NDUFS4: variants seen among roughly 807,000 people sequenced by gnomAD.
The protein encoded by NDUFS4 is NADH:ubiquinone oxidoreductase subunit S4, also known as NADH dehydrogenase [ubiquinone] iron-sulfur protein 4, mitochondrial.
A neutral mutation model predicts 24.3 loss-of-function variants in NDUFS4; 28 were observed. The observed-to-expected ratio is 1.15, with a 90% confidence interval of 0.85 to 1.58. The LOEUF (loss-of-function observed/expected upper bound fraction) is 1.58. Ranked by LOEUF, NDUFS4 falls within the 40% of genes most tolerant of loss-of-function variation. The pLI is 0.00. For synonymous variants in NDUFS4, 93 were observed against 69.7 expected (o/e 1.34, Z -1.67); for missense variants, 223 against 207.9 (o/e 1.07, Z -0.45).
chr5:53,665,620 C>T (rs113414559), intron 4 of NDUFS4, among the ~76,000 whole-genome samples: 108 of 152,334 alleles, frequency 7.1e-4, no homozygotes, highest in African/African-American at 1.4e-3. Context: ...TAGGACCCTC[C>T]GAGCCAGGTG....
chr5:53,623,520 C>T (rs1407453510), intron 2 of NDUFS4, among the ~76,000 whole-genome samples: 1 of 152,134 alleles, frequency 6.6e-6, no homozygotes, highest in Non-Finnish European at 1.5e-5. Context: ...AATCCTCTAT[C>T]AGCTAGATGT....
chr5:53,567,133 G>C (rs554229838), intron 1 of NDUFS4, among the ~76,000 whole-genome samples: 2 of 152,200 alleles, frequency 1.3e-5, no homozygotes, highest in Non-Finnish European at 2.9e-5. Context: ...ACAGGCGTGA[G>C]CCACTGAGCC....
chr5:53,656,852 T>C (rs1752175412), intron 3 of NDUFS4, among the ~76,000 whole-genome samples: 1 of 151,926 alleles, frequency 6.6e-6, no homozygotes, highest in South Asian at 2.1e-4. Flanking sequence ...GTTATGGGAA[T>C]AATGAAAAAG....
chr5:53,654,343 T>C (rs553610110), intron 3 of NDUFS4, among the ~76,000 whole-genome samples: 269 of 152,270 alleles, frequency 1.8e-3, no homozygotes, highest in Middle Eastern at 6.8e-3. Flanking sequence ...TTTGTTAATA[T>C]GTATTTAACA....
chr5:53,660,005 CTT>C (rs141107369), intron 4 of NDUFS4, among the ~76,000 whole-genome samples: 5 of 150,936 alleles, frequency 3.3e-5, no homozygotes, highest in East Asian at 1.9e-4. Context: ...TATTAATAGA[CTT>C]TTTTTTTATT....
chr5:53,674,829 G>A (rs933371089), intron 4 of NDUFS4, among the ~76,000 whole-genome samples: 9 of 151,976 alleles, frequency 5.9e-5, no homozygotes, highest in African/African-American at 2.2e-4. Context: ...CAGTAAACAT[G>A]TATAATTAAA....
intron 2 of NDUFS4, among the ~76,000 whole-genome samples, chr5:53,615,923 T>G (rs947376526): frequency 2.0e-5 from 3 of 152,142 alleles, no homozygotes; most frequent in African/African-American, 7.2e-5. Flanking sequence ...GAGTATATAT[T>G]GTGTAAATTA....
chr5:53,580,138 T>TCCA (rs536588547), intron 1 of NDUFS4, among the ~76,000 whole-genome samples: 194 of 152,348 alleles, frequency 1.3e-3, no homozygotes, highest in Non-Finnish European at 2.4e-3. Flanking sequence ...TGTCTCATTA[T>TCCA]CCACCATGAC....
intron 4 of NDUFS4, among the ~76,000 whole-genome samples, chr5:53,659,927 A>G (rs985858980): frequency 6.6e-6 from 1 of 152,142 alleles, no homozygotes; most frequent in African/African-American, 2.4e-5. Context: ...AAATGAGTTA[A>G]TAAAAGTGTT....
chr5:53,676,845 A>T (rs760915749), intron 4 of NDUFS4, among the ~76,000 whole-genome samples: 1 of 151,292 alleles, frequency 6.6e-6, no homozygotes, highest in African/African-American at 2.4e-5. Context: ...TTCATGAAAG[A>T]TTTTTTTTTT....
At chr5:53,609,519 C>T (rs1750633660) in intron 2 of NDUFS4, among the ~76,000 whole-genome samples, 1 of 152,142 alleles carries the variant, frequency 6.6e-6, no homozygotes, top group Non-Finnish European at 1.5e-5. Context: ...AGAGATTTAG[C>T]ATAATTCTTA....
chr5:53,624,212 C>G (rs946130633), intron 2 of NDUFS4, among the ~76,000 whole-genome samples: 3 of 152,128 alleles, frequency 2.0e-5, no homozygotes, highest in African/African-American at 7.2e-5. Flanking sequence ...TTCATTGGCC[C>G]ATATATCTAT....
At chr5:53,565,703 C>T (rs1346896019) in intron 1 of NDUFS4, among the ~76,000 whole-genome samples, 1 of 152,150 alleles carries the variant, frequency 6.6e-6, no homozygotes, top group Non-Finnish European at 1.5e-5. Flanking sequence ...ACTCTGTTAA[C>T]TTTTGGATTG....
At chr5:53,659,401 T>C (rs1038701984) in intron 4 of NDUFS4, among the ~76,000 whole-genome samples, 11 of 152,212 alleles carry the variant, frequency 7.2e-5, no homozygotes, top group African/African-American at 2.7e-4. Context: ...CATAATGGAC[T>C]TAATGTTTCT....
chr5:53,671,917 C>G (rs1189465651), intron 4 of NDUFS4, among the ~76,000 whole-genome samples: 1 of 152,008 alleles, frequency 6.6e-6, no homozygotes, highest in Admixed American at 6.6e-5. Flanking sequence ...GCTATAAAAA[C>G]TCTTTGAAAT....
intron 2 of NDUFS4, among the ~76,000 whole-genome samples, chr5:53,635,610 A>G (rs182402216): frequency 6.6e-6 from 1 of 152,350 alleles, no homozygotes; most frequent in Admixed American, 6.5e-5. Context: ...TGAAATTATT[A>G]AATGTTATAC....
chr5:53,590,696 A>T (rs1749923137), intron 1 of NDUFS4, among the ~76,000 whole-genome samples: 1 of 152,124 alleles, frequency 6.6e-6, no homozygotes, highest in Non-Finnish European at 1.5e-5. Flanking sequence ...AAACTTTTGC[A>T]TATGTGTCTT....
intron 4 of NDUFS4, among the ~76,000 whole-genome samples, chr5:53,675,540 G>A (rs1740439271): frequency 6.6e-6 from 1 of 152,060 alleles, no homozygotes; most frequent in Admixed American, 6.5e-5. Flanking sequence ...GCACAATAAG[G>A]CTTTTCTCTA....
chr5:53,646,500 A>G, intron 3 of NDUFS4, 95 bp downstream of exon 3: 1 of 1,313,416 alleles, frequency 7.6e-7, no homozygotes. Context: ...TATGTACAAT[A>G]TGCTTATGAC....
Sources: allele counts gnomAD v4.1 joint callset (sites outside exome capture counted in the v4.1 genomes callset), GRCh38; gene constraint gnomAD v4.1.1; transcripts MANE v1.5; gene names NCBI Gene and HGNC (gene_info 2026-07-23, HGNC 2026-07-21).